SNX9: variants seen among roughly 807,000 people sequenced by gnomAD.
SNX9 encodes the protein sorting nexin 9, also known as sorting nexin-9.
A neutral mutation model predicts 89.4 loss-of-function variants in SNX9; 44 were observed. That is an observed-to-expected ratio of 0.49 (90% confidence interval 0.39 to 0.63). SNX9 has a LOEUF of 0.63. Ranked by LOEUF, SNX9 falls within the 30% of genes least tolerant of loss-of-function variation. The pLI, the probability that SNX9 is intolerant of heterozygous loss-of-function variation, is 0.00. For missense variants in SNX9, 578 were observed against 736.1 expected (o/e 0.79, Z 2.49); for synonymous variants, 236 against 247.8 (o/e 0.95, Z 0.45).
rs764415086 is a variant in SNX9, at chr6:157,932,256, T to C, written c.1350T>C (p.Ser450=). The C allele has an allele frequency of 1.2e-6, 2 of 1,614,172 alleles. No individual in the cohort carries two copies. Among genetic ancestry groups the C allele is most frequent in the African/African-American group, 1.3e-5 (1 of 75,064 alleles). Residue 450 remains serine (S), a synonymous_variant, in exon 13 of 18, where the codon AGT becomes AGC. Coordinates refer to ENST00000392185, the MANE Select transcript of SNX9 (RefSeq NM_016224.5). Reference sequence around the variant, plus strand: ...TGCAGAGTTTGGCCACAGTGTTCAGTTCCAGTGGCTATCAAGGTGCGTCTT... The same window carrying C: ...TGCAGAGTTTGGCCACAGTGTTCAGCTCCAGTGGCTATCAAGGTGCGTCTT... ...KALQSLATVF[S]SSGYQGETDL... is the part of the protein sequence containing the mutation.
chr6:157,883,179 A>T (rs1782662494), intron 4 of SNX9, among the ~76,000 whole-genome samples: 1 of 152,198 alleles, frequency 6.6e-6, no homozygotes, highest in Non-Finnish European at 1.5e-5. Context: ...GGCTCAGATG[A>T]TCGTTAGCGA....
intron 3 of SNX9, 118 bp from the exon 4 acceptor site, chr6:157,874,933 A>C (rs1191171367): frequency 3.7e-5 from 44 of 1,177,356 alleles, no homozygotes; most frequent in Admixed American, 2.1e-4. Context: ...CAGTGCTTAC[A>C]GAGAAATTTG....
chr6:157,823,658 C>T lies in SNX9; in HGVS notation c.12+212C>T, dbSNP rs1256081598. On this transcript the variant is annotated intron_variant, in intron 1 of 17. Coordinates refer to ENST00000392185, the MANE Select transcript of SNX9 (RefSeq NM_016224.5). The surrounding 1 kb of genome is among the most constrained non-coding windows in gnomAD (Gnocchi z 4.6). Reference sequence around the variant, plus strand: ...GTGCAGACAGACCACCAGGATCGCACCGGGGGACGGCGTCGGGTCTGGGCG... The same window carrying T: ...GTGCAGACAGACCACCAGGATCGCATCGGGGGACGGCGTCGGGTCTGGGCG... 6.6e-6 allele frequency among the ~76,000 whole-genome samples: 1 copy of T among 151,898 alleles called. No homozygotes were observed. Among genetic ancestry groups the T allele is most frequent in the Non-Finnish European group, 1.5e-5 (1 of 67,916 alleles).
intron 1 of SNX9, among the ~76,000 whole-genome samples, chr6:157,843,946 C>T (rs1781752218): frequency 7.0e-6 from 1 of 143,244 alleles, no homozygotes; most frequent in East Asian, 2.1e-4. Flanking sequence ...ATGATCTTGG[C>T]TCACTGTAAC....
intron 10 of SNX9, among the ~76,000 whole-genome samples, chr6:157,926,553 G>A (rs1045929690): frequency 3.3e-5 from 5 of 152,034 alleles, no homozygotes; most frequent in African/African-American, 1.2e-4. Flanking sequence ...AGGCTGAGGT[G>A]GGCAGATTGC....
At chr6:157,871,186 C>A (rs1341635941) in intron 2 of SNX9, among the ~76,000 whole-genome samples, 1 of 152,096 alleles carries the variant, frequency 6.6e-6, no homozygotes, top group Non-Finnish European at 1.5e-5. Context: ...TCAAGACCAG[C>A]CTTAGTAACA....
intron 1 of SNX9, among the ~76,000 whole-genome samples, chr6:157,859,439 G>A (rs9355413): frequency 0.13 from 19,134 of 152,102 alleles, 1,956 homozygotes; most frequent in African/African-American, 0.28. Flanking sequence ...TCTTGTTGCT[G>A]TATAATATTC....
chr6:157,912,818 A>G (rs1457144848), intron 9 of SNX9, among the ~76,000 whole-genome samples: 1 of 152,206 alleles, frequency 6.6e-6, no homozygotes, highest in African/African-American at 2.4e-5. Flanking sequence ...AAACTGACAT[A>G]TTCATATACT....
chr6:157,895,060 G>T (rs1294881406), intron 4 of SNX9, among the ~76,000 whole-genome samples: 3 of 152,208 alleles, frequency 2.0e-5, no homozygotes, highest in Non-Finnish European at 4.4e-5. Context: ...AAAGCGATAC[G>T]TATGTATGAG....
intron 5 of SNX9, among the ~76,000 whole-genome samples, chr6:157,899,168 T>A (rs764465441): frequency 1.3e-5 from 2 of 150,646 alleles, no homozygotes; most frequent in Non-Finnish European, 2.9e-5. Context: ...GGGATTATTG[T>A]CAGAATAGTA....
At chr6:157,881,205 C>T (rs1333253420) in intron 4 of SNX9, among the ~76,000 whole-genome samples, 2 of 152,186 alleles carry the variant, frequency 1.3e-5, no homozygotes, top group African/African-American at 4.8e-5. Context: ...ATGTTTCATA[C>T]TTTTTCATCA....
At chr6:157,940,070 A>G (rs1352838322) in intron 16 of SNX9, among the ~76,000 whole-genome samples, 2 of 152,224 alleles carry the variant, frequency 1.3e-5, no homozygotes, top group African/African-American at 4.8e-5. Context: ...GAGTTCTGAC[A>G]GCGTCGCTGG....
At chr6:157,875,294 T>C in intron 4 of SNX9, 118 bp downstream of exon 4, 1 of 1,350,384 alleles carries the variant, frequency 7.4e-7, no homozygotes. Flanking sequence ...ACAAAGTCGC[T>C]TTTAGGTTGT....
At position 157,942,676 on chromosome 6, in the gene SNX9, G is replaced by T. The variant is rs1475253007; in HGVS notation, c.1741-115G>T. 6.1e-6 allele frequency: 7 copies of T among 1,153,964 alleles called. No homozygotes were observed. In the African/African-American group the frequency reaches 7.6e-5, roughly 12 times the overall value. The allele number at this position is 1,153,964 out of a possible 1,614,324, so 71.5% of individuals were successfully genotyped here. On this transcript the variant is annotated intron_variant, in intron 17 of 17. Coordinates refer to ENST00000392185, the MANE Select transcript of SNX9 (RefSeq NM_016224.5). ...GGCAGGGCTGGTGCCAAAAAGACCA[G>T]TTAAAGAATTGGAATTTGTGTCATG... is the stretch of plus-strand genomic sequence containing the variant.
intron 12 of SNX9, among the ~76,000 whole-genome samples, chr6:157,929,452 T>C (rs1783764283): frequency 6.6e-6 from 1 of 152,202 alleles, no homozygotes; most frequent in Non-Finnish European, 1.5e-5. Context: ...CAGATGCCTT[T>C]AACTCCCTTA....
chr6:157,939,757 G>A (rs989828965), intron 16 of SNX9, among the ~76,000 whole-genome samples: 4 of 152,200 alleles, frequency 2.6e-5, no homozygotes, highest in Admixed American at 2.6e-4. Flanking sequence ...TTGAACTTGT[G>A]TTTGAGGTTA....
At chr6:157,932,371 CA>C (rs1420262311) in intron 13 of SNX9, 99 bp downstream of exon 13, 4 of 1,078,220 alleles carry the variant, frequency 3.7e-6, no homozygotes, top group Admixed American at 3.7e-5. Flanking sequence ...CTCAGTGAAG[CA>C]CCCTGGTTGT....
chr6:157,907,448 A>AT (rs1317184764), intron 7 of SNX9, among the ~76,000 whole-genome samples: 2 of 151,650 alleles, frequency 1.3e-5, no homozygotes, highest in African/African-American at 4.9e-5. Context: ...CGCCTAGCTA[A>AT]TTTTTTTTGT....
intron 13 of SNX9, among the ~76,000 whole-genome samples, chr6:157,935,758 G>A (rs780495142): frequency 5.3e-5 from 8 of 152,274 alleles, no homozygotes; most frequent in African/African-American, 9.6e-5. Flanking sequence ...AAAGCGGGTC[G>A]GGGTGTAGAC....
Sources: gnomAD v4.1 joint callset for allele counts (sites outside exome capture counted in the v4.1 genomes callset) on GRCh38, gnomAD v4.1.1 for gene constraint, Gnocchi (gnomAD v3.1) non-coding constraint, MANE v1.5 for transcripts, NCBI Gene and HGNC (gene_info 2026-07-23, HGNC 2026-07-21) for gene names.